The following SETD5 variants were observed in gnomAD, a reference collection of about 807,000 sequenced individuals.
SETD5 encodes the protein histone-lysine N-methyltransferase SETD5.
Under a neutral mutation model 153.3 loss-of-function variants are expected in SETD5, and 44 were observed. The ratio of observed to expected loss-of-function variants is 0.29; its 90% CI spans 0.23 to 0.37. SETD5 has a LOEUF of 0.37. Ranked by LOEUF, SETD5 falls within the 10% of genes least tolerant of loss-of-function variation. The pLI, the probability that SETD5 is intolerant of heterozygous loss-of-function variation, is 1.00. For synonymous variants in SETD5, 716 were observed against 645.2 expected, an observed-to-expected ratio of 1.11 and a Z score of -1.66; for missense variants, 1,544 against 1,768.0, an observed-to-expected ratio of 0.87 and a Z score of 2.27.
chr3:9,398,030 G>A (rs2033965921), intron 1 of SETD5, 53 bp downstream of exon 1: 1 of 152,030 alleles, frequency 6.6e-6, no homozygotes, highest in South Asian at 2.1e-4. Context: ...CCCAGGGGAG[G>A]GAAGGGTCAC....
chr3:9,435,845 C>T lies in SETD5; in HGVS notation c.506C>T (p.Pro169Leu). ...SITLTVRRTKPKKRKKSPEKG... is the reference protein window; with the variant it reads ...SITLTVRRTKLKKRKKSPEKG... ...ACCTTAACTGTTAGAAGAACCAAAC[C>T]CAAGAAGCGGAAAAAGAGTCCAGAA... The change falls in exon 7 of 23, where the codon CCC becomes CTC. Residue 169 changes from proline to leucine, a missense_variant. Pro to Leu is a moderately conservative substitution (Grantham distance 98). Transcript: ENST00000402198. 2 of 1,600,384 alleles carry T rather than the reference C, an allele frequency of 1.2e-6. No homozygotes were observed. Among genetic ancestry groups the T allele is most frequent in the South Asian group, 2.3e-5 (2 of 88,730 alleles).
At position 9,473,647 on chromosome 3, in the gene SETD5, C is replaced by A. The variant is rs943838395; in HGVS notation, c.3497+110C>A. 10 of 1,113,782 alleles carry A rather than the reference C, an allele frequency of 9.0e-6. No individual in the cohort carries two copies. The African/African-American group carries it at 1.6e-4, about 17-fold the overall frequency. 69.0% of individuals were successfully genotyped at this position (1,113,782 alleles called of 1,614,324 possible). A position where few individuals can be genotyped will look rare whatever the true frequency, so the allele number is the denominator to read the frequency against. On this transcript the variant is annotated intron_variant, in intron 20 of 22. Transcript: ENST00000402198. ...CTATGGGAACACTTGATGGGAACAT[C>A]TGAGACAGCCAGCCAACAGTACCAT...
Position 9,445,311 on chromosome 3 carries a change from C to A in SETD5, c.1440+11C>A. On this transcript the variant is annotated intron_variant, in intron 12 of 22. Coordinates refer to ENST00000402198, the MANE Select transcript of SETD5 (RefSeq NM_001080517.3). Reference sequence around the variant, plus strand: ...TCCAGTGATCATGAGGTAATCGCCCCTGGTCAAATGATGATGCTATGGCAT... The same window carrying A: ...TCCAGTGATCATGAGGTAATCGCCCATGGTCAAATGATGATGCTATGGCAT... The A allele has an allele frequency of 6.3e-7, 1 of 1,596,646 alleles. No homozygotes were observed. Among genetic ancestry groups the A allele is most frequent in the South Asian group, 1.1e-5 (1 of 88,368 alleles).
At position 9,476,176 on chromosome 3, in the gene SETD5, G is replaced by A. The variant is rs2045836499; in HGVS notation, c.*85G>A. The A allele has an allele frequency of 4.0e-6, 6 of 1,489,892 alleles. No individual in the cohort carries two copies. The Admixed American group carries it at 6.8e-5, about 17-fold the overall frequency. 92.3% of individuals were successfully genotyped at this position (1,489,892 alleles called of 1,614,324 possible). The stretch of plus-strand genomic sequence containing the variant: ...CTCTGGAACCTAGGCCGAGCATATT[G>A]CTGAGGAACGGGGGGTACAAGGTGC... On this transcript the variant is annotated 3_prime_UTR_variant, in exon 23 of 23. Transcript: ENST00000402198.
chr3:9,435,243 C>CAAA (rs5846637), intron 6 of SETD5, among the ~76,000 whole-genome samples: 6 of 80,154 alleles, frequency 7.5e-5, no homozygotes, highest in Middle Eastern at 8.1e-3. Flanking sequence ...AACTCCCTCT[C>CAAA]AAAAAAAAAA....
chr3:9,435,072 C>G (rs533806794), intron 6 of SETD5, among the ~76,000 whole-genome samples, 190 bp downstream of exon 6: 74 of 152,002 alleles, frequency 4.9e-4, no homozygotes, highest in Non-Finnish European at 7.1e-4. Flanking sequence ...TGGAGAAACC[C>G]CATCTCTACT....
At chr3:9,423,534 CTTA>C (rs2038724908) in intron 1 of SETD5, among the ~76,000 whole-genome samples, 1 of 151,988 alleles carries the variant, frequency 6.6e-6, no homozygotes, top group African/African-American at 2.4e-5. Flanking sequence ...TTTTTTCTTT[CTTA>C]TTTGCTATTG....
chr3:9,422,067 CTG>C (rs2038493255), intron 1 of SETD5, among the ~76,000 whole-genome samples: 1 of 151,922 alleles, frequency 6.6e-6, no homozygotes, highest in Admixed American at 6.6e-5. Flanking sequence ...TTTTATAATA[CTG>C]TGTGAAAAAC....
At chr3:9,408,385 A>G (rs1238423720) in intron 1 of SETD5, among the ~76,000 whole-genome samples, 2 of 152,152 alleles carry the variant, frequency 1.3e-5, no homozygotes, top group Middle Eastern at 3.2e-3. Context: ...TATTATTAAA[A>G]ACTCCAATTA....
At chr3:9,469,014 G>A (rs887367874) in intron 18 of SETD5, among the ~76,000 whole-genome samples, 1 of 152,160 alleles carries the variant, frequency 6.6e-6, no homozygotes, top group Non-Finnish European at 1.5e-5. Flanking sequence ...TTGTTCTAGG[G>A]TTAATCTAAC....
chr3:9,430,940 A>AAATG, intron 3 of SETD5: 2 of 985,468 alleles, frequency 2.0e-6, no homozygotes, highest in Non-Finnish European at 2.4e-6. Flanking sequence ...ATAACTAGCT[A>AAATG]CATAGTTATG....
intron 8 of SETD5, 138 bp downstream of exon 8, chr3:9,440,836 G>T: frequency 9.4e-7 from 1 of 1,067,878 alleles, no homozygotes; most frequent in Middle Eastern, 3.1e-4. Flanking sequence ...TTGATCATAT[G>T]TAACCAAAAG....
chr3:9,413,116 A>G lies in SETD5; in HGVS notation c.-176-11351A>G, dbSNP rs552283427. 1.3e-4 allele frequency among the ~76,000 whole-genome samples: 20 copies of G among 152,264 alleles called. No individual in the cohort carries two copies. In the East Asian group the frequency reaches 1.7e-3, roughly 13 times the overall value. On this transcript the variant is annotated intron_variant, in intron 1 of 22. Coordinates refer to ENST00000402198, the MANE Select transcript of SETD5 (RefSeq NM_001080517.3). ...GTAAAGTAGACTAGTGAACATAATCAGATGTTTCAGTCTTTCCCTGTTGAT... is the reference window on the plus strand; with the variant it reads ...GTAAAGTAGACTAGTGAACATAATCGGATGTTTCAGTCTTTCCCTGTTGAT...
chr3:9,445,116 A>C lies in SETD5; in HGVS notation c.1256A>C (p.Asn419Thr), dbSNP rs1224637892. 6.2e-7 allele frequency: 1 copy of C among 1,613,996 alleles called. No homozygotes were observed. Among genetic ancestry groups the C allele is most frequent in the Admixed American group, 1.7e-5 (1 of 60,026 alleles). ...TGTCCTATACAAAAAAGGAATCCTAATGCTACAGAACTGCCACTCCTACCA... is the reference window on the plus strand; with the variant it reads ...TGTCCTATACAAAAAAGGAATCCTACTGCTACAGAACTGCCACTCCTACCA... Reference protein sequence around the residue: ...RNCPIQKRNPNATELPLLPPP... With the variant: ...RNCPIQKRNPTATELPLLPPP... Residue 419 changes from asparagine to threonine, a missense_variant, in exon 12 of 23, where the codon AAT (asparagine) becomes ACT (threonine). By Grantham distance (65) the Asn-to-Thr change is moderately conservative (BLOSUM62 0). This residue lies in a region of SETD5 where 782 missense variants were observed against 787.2 expected (regional missense o/e 0.99). Coordinates refer to ENST00000402198, the MANE Select transcript of SETD5 (RefSeq NM_001080517.3).
In SETD5 at chr3:9,470,606, T is replaced by G. The variant is rs1451365877; in HGVS notation, c.2872T>G (p.Phe958Val). Residue 958 changes from phenylalanine (F) to valine (V), a missense_variant, in exon 19 of 23, where the codon TTC becomes GTC. Phe to Val is a conservative substitution (Grantham distance 50). Around this residue, in one of 9 missense-constraint regions of SETD5, gnomAD observed 782 missense variants for 787.2 expected, o/e 0.99. Coordinates refer to ENST00000402198, the MANE Select transcript of SETD5 (RefSeq NM_001080517.3). The stretch of plus-strand genomic sequence containing the variant: ...CCTCGGACCCACTTCTGAGACTGGT[T>G]TCCCAAGCAGAAGTGGAGATGGACA... The part of the protein sequence containing the change: ...PSLGPTSETG[F>V]PSRSGDGHQT... 3 of 1,613,804 alleles carry G rather than the reference T, an allele frequency of 1.9e-6. No individual in the cohort carries two copies. The highest frequency in any genetic ancestry group is 1.7e-6 in the Non-Finnish European group (2 of 1,179,886).
At chr3:9,416,562 C>G (rs1255114539) in intron 1 of SETD5, among the ~76,000 whole-genome samples, 2 of 152,030 alleles carry the variant, frequency 1.3e-5, no homozygotes, top group African/African-American at 4.8e-5. Flanking sequence ...TTAATAACCA[C>G]AAGTGTATAA....
At chr3:9,438,884 T>A (rs1351240614) in intron 7 of SETD5, among the ~76,000 whole-genome samples, 1 of 152,198 alleles carries the variant, frequency 6.6e-6, no homozygotes, top group African/African-American at 2.4e-5. Flanking sequence ...TCTTCAGATA[T>A]TACCAAATGT....
intron 1 of SETD5, among the ~76,000 whole-genome samples, chr3:9,423,451 A>C (rs2038711422): frequency 6.6e-6 from 1 of 152,132 alleles, no homozygotes; most frequent in Non-Finnish European, 1.5e-5. Context: ...ATTAATAATA[A>C]ATTGAAACTG....
chr3:9,431,719 A>T (rs567622702), intron 3 of SETD5: 74 of 985,836 alleles, frequency 7.5e-5, no homozygotes, highest in Admixed American at 2.5e-4. Context: ...CTTGCACATG[A>T]AGTGCATATG....
Sources: allele counts gnomAD v4.1 joint callset (sites outside exome capture counted in the v4.1 genomes callset), GRCh38; gene constraint gnomAD v4.1.1; regional missense constraint gnomAD v4.1.1; transcripts MANE v1.5; gene names NCBI Gene and HGNC (gene_info 2026-07-23, HGNC 2026-07-21).